Variants in NDUFAF6 observed in about 807,000 individuals in gnomAD.
NDUFAF6 encodes the protein NADH:ubiquinone oxidoreductase complex assembly factor 6.
In NDUFAF6, 45 loss-of-function variants were observed where a neutral mutation model predicts 40.8. That is an observed-to-expected ratio of 1.10 (90% CI 0.87 to 1.42). The LOEUF is 1.42. Ranked by LOEUF, NDUFAF6 falls within the 40% of genes most tolerant of loss-of-function variation. NDUFAF6 has a pLI of 0.00. For missense variants in NDUFAF6, 435 were observed against 418.5 expected (o/e 1.04, Z -0.34); for synonymous variants, 185 against 155.9 (o/e 1.19, Z -1.39).
At chr8:95,021,571 AT>A (rs1827693880), upstream of NDUFAF6, among the ~76,000 whole-genome samples, 1 of 152,194 alleles carries the variant, frequency 6.6e-6, no homozygotes, top group African/African-American at 2.4e-5. Context: ...AGGAGGCAGT[AT>A]GTGCATAGAA....
intron 1 of NDUFAF6, among the ~76,000 whole-genome samples, chr8:94,905,554 C>T (rs1818341099): frequency 6.6e-6 from 1 of 152,302 alleles, no homozygotes; most frequent in Admixed American, 6.5e-5. Context: ...AAGCCCAGAG[C>T]TTCCCTGGTC....
At chr8:94,934,514 T>C (rs1820773241) in intron 1 of NDUFAF6, among the ~76,000 whole-genome samples, 1 of 151,886 alleles carries the variant, frequency 6.6e-6, no homozygotes, top group Admixed American at 6.6e-5. Context: ...GCCTCCCTAG[T>C]AGCTGGGAGT....
chr8:95,092,300 G>C (rs1809279859), intron 2 of NDUFAF6, among the ~76,000 whole-genome samples: 1 of 151,218 alleles, frequency 6.6e-6, no homozygotes, highest in South Asian at 2.1e-4. Flanking sequence ...TCCCACCTCA[G>C]CCTCCCAAGT....
chr8:95,098,727 C>G (rs1809553295), upstream of NDUFAF6, among the ~76,000 whole-genome samples: 1 of 151,962 alleles, frequency 6.6e-6, no homozygotes, highest in African/African-American at 2.4e-5. Context: ...TGCAAAAGTA[C>G]TGGATCTAAT....
chr8:95,036,359 A>C (rs939424142), intron 3 of NDUFAF6: 1 of 1,289,164 alleles, frequency 7.8e-7, no homozygotes, highest in African/African-American at 1.5e-5. Context: ...ACAGTGGTAC[A>C]CCTCTTCTCA....
chr8:95,116,827 T>C (rs1440030946), downstream of NDUFAF6, among the ~76,000 whole-genome samples: 3 of 152,228 alleles, frequency 2.0e-5, no homozygotes, highest in African/African-American at 7.2e-5. Flanking sequence ...AAAGAATTCA[T>C]GGTCTCACCT....
At chr8:94,913,783 A>G (rs1461515288) in intron 1 of NDUFAF6, among the ~76,000 whole-genome samples, 1 of 152,220 alleles carries the variant, frequency 6.6e-6, no homozygotes, top group African/African-American at 2.4e-5. Flanking sequence ...TTGGTGACAG[A>G]GCGAGACCTT....
intron 1 of NDUFAF6, among the ~76,000 whole-genome samples, chr8:94,915,880 A>G (rs1819094389): frequency 1.3e-5 from 2 of 152,266 alleles, no homozygotes; most frequent in African/African-American, 2.4e-5. Flanking sequence ...TACTTGTACC[A>G]GACCTTGTAG....
chr8:94,994,897 G>A (rs758296988), intron 2 of NDUFAF6, among the ~76,000 whole-genome samples: 4 of 152,122 alleles, frequency 2.6e-5, no homozygotes, highest in Non-Finnish European at 4.4e-5. Context: ...TGTGTAAAAC[G>A]ATGCAGCTGC....
At chr8:95,031,924 AT>A in intron 1 of NDUFAF6, 70 bp from the exon 2 acceptor site, 3 of 1,455,666 alleles carry the variant, frequency 2.1e-6, no homozygotes, top group Non-Finnish European at 2.9e-6. Flanking sequence ...TTTTCAGTTA[AT>A]TTTAGTCAGT....
downstream of NDUFAF6, among the ~76,000 whole-genome samples, chr8:95,103,714 G>A (rs1809727136): frequency 6.6e-6 from 1 of 152,170 alleles, no homozygotes; most frequent in Non-Finnish European, 1.5e-5. Context: ...CAAAGAGAAG[G>A]ATAGGAGTGA....
At chr8:94,901,782 G>A (rs562412371) in intron 1 of NDUFAF6, among the ~76,000 whole-genome samples, 92 of 152,040 alleles carry the variant, frequency 6.1e-4, no homozygotes, top group African/African-American at 2.0e-3. Context: ...TCAGGGTTTC[G>A]CCATGTTGGC....
intron 1 of NDUFAF6, among the ~76,000 whole-genome samples, chr8:94,918,651 A>G (rs1056338584): frequency 6.6e-6 from 1 of 152,204 alleles, no homozygotes; most frequent in Non-Finnish European, 1.5e-5. Context: ...TACATAAGCC[A>G]GAGTGTTCTG....
At chr8:94,984,116 G>C (rs1020290793) in intron 2 of NDUFAF6, 1 of 152,170 alleles carries the variant, frequency 6.6e-6, no homozygotes, top group African/African-American at 2.4e-5. Context: ...AGCTCCTTAC[G>C]TGCAGAAGCA....
At chr8:95,033,909 T>G in intron 2 of NDUFAF6, 1 of 440,480 alleles carries the variant, frequency 2.3e-6, no homozygotes, top group Non-Finnish European at 4.6e-6. Context: ...AAAGGTAAGG[T>G]CTTGGAGACA....
At chr8:94,981,587 T>C (rs1586889156) in intron 2 of NDUFAF6, among the ~76,000 whole-genome samples, 2 of 152,264 alleles carry the variant, frequency 1.3e-5, no homozygotes, top group East Asian at 3.9e-4. Context: ...GAGTTGCCCT[T>C]AGATTTTTTT....
chr8:95,049,245 C>G (rs1009515490), intron 7 of NDUFAF6, among the ~76,000 whole-genome samples: 2 of 152,220 alleles, frequency 1.3e-5, no homozygotes, highest in East Asian at 1.9e-4. Flanking sequence ...ACGTCTCTCT[C>G]TGTGTCACTT....
At chr8:94,932,952 C>G (rs915123191) in intron 1 of NDUFAF6, among the ~76,000 whole-genome samples, 4 of 152,296 alleles carry the variant, frequency 2.6e-5, no homozygotes, top group Middle Eastern at 3.4e-3. Context: ...CACAATGGCT[C>G]ATGACTGTAA....
At chr8:95,051,418 A>G (rs778672842) in intron 7 of NDUFAF6, among the ~76,000 whole-genome samples, 1 of 152,214 alleles carries the variant, frequency 6.6e-6, no homozygotes, top group Non-Finnish European at 1.5e-5. Flanking sequence ...TAAATCATGG[A>G]TGATCATAGA....
Sources: gnomAD v4.1 joint callset for allele counts (sites outside exome capture counted in the v4.1 genomes callset) on GRCh38, gnomAD v4.1.1 for gene constraint, MANE v1.5 for transcripts, NCBI Gene and HGNC (gene_info 2026-07-23, HGNC 2026-07-21) for gene names.